TENM2: variants seen among roughly 807,000 people sequenced by gnomAD.
TENM2 encodes the protein teneurin-2.
TENM2 carries 52 observed loss-of-function variants against 245.2 expected under a neutral mutation model. The ratio of observed to expected loss-of-function variants is 0.21; its 90% CI spans 0.17 to 0.27. The LOEUF (loss-of-function observed/expected upper bound fraction) is 0.27, where lower values mean the gene tolerates loss of function less well. TENM2 is among the 10% of genes least tolerant of loss of function. The pLI is 1.00. For missense variants in TENM2, 3,046 were observed against 3,666.8 expected (o/e 0.83, Z 4.37); for synonymous variants, 1,363 against 1,438.9 (o/e 0.95, Z 1.19).
intron 9 of TENM2, among the ~76,000 whole-genome samples, chr5:168,105,414 C>T (rs955421445): frequency 5.9e-5 from 9 of 152,104 alleles, no homozygotes; most frequent in African/African-American, 2.2e-4. Context: ...GTCAGTAGAT[C>T]ACAGTCAGGG....
At chr5:167,161,671 C>T in the TENM2 span, among the ~76,000 whole-genome samples, 1 of 152,102 alleles carries the variant, frequency 6.6e-6, no homozygotes, top group Admixed American at 6.5e-5. Context: ...GCTGACATCC[C>T]TTAATGGAGA....
the TENM2 span, among the ~76,000 whole-genome samples, chr5:167,015,196 T>C: frequency 6.6e-6 from 1 of 152,240 alleles, no homozygotes; most frequent in Non-Finnish European, 1.5e-5. Flanking sequence ...TTTGAAAATC[T>C]GAATATTTTT....
rs1359324180 is a variant in TENM2 at position 168,062,043 on chromosome 5, C to CT, written c.1310-17_1310-16insT. The CT allele has an allele frequency of 7.1e-7, 1 of 1,400,422 alleles. No homozygotes were observed. The highest frequency in any genetic ancestry group is 9.7e-7 in the Non-Finnish European group (1 of 1,027,460). 86.7% of individuals were successfully genotyped at this position (1,400,422 alleles called of 1,614,324 possible). A position where few individuals can be genotyped will look rare whatever the true frequency, so the allele number is the denominator to read the frequency against. ...TACACGTCATTGACTGCTGTTTATT[C>CT]CTTTTTTTTTTTTCAGTGCCCTGGT... On this transcript the variant is annotated splice_polypyrimidine_tract_variant and intron_variant, in intron 6 of 28. Coordinates refer to ENST00000518659, the Ensembl canonical transcript of TENM2.
At chr5:167,478,809 C>T (rs1048722106) in intron 2 of TENM2, among the ~76,000 whole-genome samples, 3 of 152,160 alleles carry the variant, frequency 2.0e-5, no homozygotes, top group African/African-American at 7.2e-5. Context: ...TTGCATTTTT[C>T]TTTGCTCCAA....
At chr5:167,658,914 T>C (rs1755024988) in intron 2 of TENM2, among the ~76,000 whole-genome samples, 1 of 152,208 alleles carries the variant, frequency 6.6e-6, no homozygotes, top group Non-Finnish European at 1.5e-5. Flanking sequence ...GTTTTAATTA[T>C]TGATGCTAAA....
chr5:168,084,439 G>T (rs1792270848), intron 7 of TENM2, among the ~76,000 whole-genome samples: 1 of 152,138 alleles, frequency 6.6e-6, no homozygotes, highest in Non-Finnish European at 1.5e-5. Context: ...CTTTTTAATG[G>T]TAGACATTTT....
At chr5:167,272,244 A>T in the TENM2 span, among the ~76,000 whole-genome samples, 1 of 152,204 alleles carries the variant, frequency 6.6e-6, no homozygotes, top group Non-Finnish European at 1.5e-5. Flanking sequence ...TTTATGCAAA[A>T]GTTCTAACAC....
rs114964983 is a variant in TENM2 at position 167,894,388 on chromosome 5, T to C, written c.712+18193T>C. 2.9e-3 allele frequency among the ~76,000 whole-genome samples: 447 copies of C among 152,342 alleles called. 2 individuals carry two copies. Among genetic ancestry groups the C allele is most frequent in the African/African-American group, 9.9e-3 (410 of 41,580 alleles). The stretch of plus-strand genomic sequence containing the variant: ...TAAAACCCAGATCGTTTATTGTGGC[T>C]AGTGTGATGTGATTTGGCCACAGGC... On this transcript the variant is annotated intron_variant, in intron 3 of 28. Coordinates refer to ENST00000518659, the Ensembl canonical transcript of TENM2.
chr5:167,179,058 TTGA>T, the TENM2 span, among the ~76,000 whole-genome samples: 1 of 152,140 alleles, frequency 6.6e-6, no homozygotes, highest in Non-Finnish European at 1.5e-5. Flanking sequence ...CCCCCAAATA[TTGA>T]TGATTTATAA....
the TENM2 span, among the ~76,000 whole-genome samples, chr5:167,154,639 A>T: frequency 6.6e-6 from 1 of 152,210 alleles, no homozygotes; most frequent in Non-Finnish European, 1.5e-5. Context: ...TAGGTTTAAA[A>T]TGCCTGCAAA....
At chr5:167,057,538 C>T in the TENM2 span, among the ~76,000 whole-genome samples, 1 of 152,068 alleles carries the variant, frequency 6.6e-6, no homozygotes, top group Non-Finnish European at 1.5e-5. Flanking sequence ...GGACTGTGAA[C>T]TTCATCAGTG....
intron 2 of TENM2, among the ~76,000 whole-genome samples, chr5:167,862,840 C>A (rs1374191532): frequency 6.6e-6 from 1 of 152,220 alleles, no homozygotes; most frequent in Non-Finnish European, 1.5e-5. Context: ...AATTGTTGAT[C>A]TCCATACTTG....
chr5:167,868,457 G>A (rs566881339), intron 2 of TENM2, among the ~76,000 whole-genome samples: 1 of 152,076 alleles, frequency 6.6e-6, no homozygotes, highest in Admixed American at 6.5e-5. Context: ...TTAAGATGCT[G>A]ACCGGGTGCA....
At chr5:168,178,604 C>T (rs899501375) in intron 13 of TENM2, among the ~76,000 whole-genome samples, 1 of 151,496 alleles carries the variant, frequency 6.6e-6, no homozygotes, top group African/African-American at 2.4e-5. Context: ...GAGGCCCTTT[C>T]TGGGTTGAGA....
chr5:167,551,413 G>A lies in TENM2; in HGVS notation c.502+175940G>A, dbSNP rs940719823. ...CTATAGATTCTTTATCCATCTGCCC[G>A]CTCATCTATCTATCTATCCATTCAT... On this transcript the variant is annotated intron_variant, in intron 2 of 28. Coordinates refer to ENST00000518659, the Ensembl canonical transcript of TENM2. Among the ~76,000 whole-genome samples the A allele has an allele frequency of 4.6e-5, 7 of 152,186 alleles. No individual in the cohort carries two copies. The East Asian group carries it at 5.8e-4, about 13-fold the overall frequency.
chr5:167,545,259 C>T lies in TENM2; in HGVS notation c.502+169786C>T, dbSNP rs28434775. On this transcript the variant is annotated intron_variant, in intron 2 of 28. Coordinates refer to ENST00000518659, the Ensembl canonical transcript of TENM2. ...CTTACACGAGGTGACATATGTAACA[C>T]TACCAACCACAACCTCCATAGATAA... Among the ~76,000 whole-genome samples the T allele has an allele frequency of 6.2e-3, 950 of 152,290 alleles. 17 individuals carry two copies. The highest frequency in any genetic ancestry group is 0.022 in the African/African-American group (909 of 41,560).
chr5:167,652,231 C>A (rs908592458), intron 2 of TENM2, among the ~76,000 whole-genome samples: 1 of 152,180 alleles, frequency 6.6e-6, no homozygotes, highest in Non-Finnish European at 1.5e-5. Flanking sequence ...TTCTCTATGG[C>A]ATCCAAAGTC....
At chr5:167,990,489 A>G (rs1238325244) in intron 4 of TENM2, among the ~76,000 whole-genome samples, 1 of 152,164 alleles carries the variant, frequency 6.6e-6, no homozygotes, top group Non-Finnish European at 1.5e-5. Flanking sequence ...GTTATGAGGT[A>G]CCTGTACTTT....
Position 168,118,456 on chromosome 5 carries a change from G to A in TENM2, c.1978G>A (p.Ala660Thr), listed in dbSNP as rs774088522. ...CATTGATGGGAACTGTGTCTGCTCT[G>A]CTGGCTACAAAGGCGAGCACTGTGA... Residue 660 changes from alanine to threonine, a missense_variant, in exon 10 of 29, where the codon GCT (alanine) becomes ACT (threonine). Physicochemically the swap from Ala to Thr is moderately conservative, Grantham distance 58 (BLOSUM62 0). Around this residue, in one of 2 missense-constraint regions of TENM2, gnomAD observed 2,704 missense variants for 3,331.9 expected, o/e 0.81. Coordinates refer to ENST00000518659, the Ensembl canonical transcript of TENM2. 5 of 1,590,172 alleles carry A rather than the reference G, an allele frequency of 3.1e-6. No homozygotes were observed. In the Admixed American group the frequency reaches 8.5e-5, roughly 27 times the overall value.
Sources: allele counts gnomAD v4.1 joint callset (sites outside exome capture counted in the v4.1 genomes callset), GRCh38; gene constraint gnomAD v4.1.1; regional missense constraint gnomAD v4.1.1; transcripts MANE v1.5; gene names NCBI Gene and HGNC (gene_info 2026-07-23, HGNC 2026-07-21).